SMYD3: variants seen among roughly 807,000 people sequenced by gnomAD.
The protein encoded by SMYD3 is SET and MYND domain containing 3.
A neutral mutation model predicts 57.7 loss-of-function variants in SMYD3; 36 were observed. The ratio of observed to expected loss-of-function variants is 0.62; its 90% CI spans 0.48 to 0.82. SMYD3 has a LOEUF of 0.82. SMYD3 is among the 40% of genes least tolerant of loss of function. SMYD3 has a pLI of 0.00. For missense variants in SMYD3, 515 were observed against 538.8 expected, an observed-to-expected ratio of 0.96 and a Z score of 0.44; for synonymous variants, 211 against 195.0, an observed-to-expected ratio of 1.08 and a Z score of -0.68.
At chr1:246,157,290 G>T in intron 5 of SMYD3, among the ~76,000 whole-genome samples, 1 of 152,134 alleles carries the variant, frequency 6.6e-6, no homozygotes, top group East Asian at 1.9e-4. Context: ...GAACACTGAG[G>T]CAGAGCGATA....
At chr1:246,264,041 GT>G (rs35429908) in intron 5 of SMYD3, among the ~76,000 whole-genome samples, 18,485 of 148,444 alleles carry the variant, frequency 0.12, 1,225 homozygotes, top group East Asian at 0.21. Context: ...AGAAATAAAT[GT>G]TTTTTTTTTT....
At chr1:246,064,766 G>A (rs79183136) in intron 5 of SMYD3, among the ~76,000 whole-genome samples, 9,460 of 152,266 alleles carry the variant, frequency 0.062, 403 homozygotes, top group Middle Eastern at 0.14. Flanking sequence ...TCCATCCCCC[G>A]GCCTTCTAGA....
chr1:245,926,987 A>G (rs908224904), intron 7 of SMYD3, among the ~76,000 whole-genome samples: 2 of 152,232 alleles, frequency 1.3e-5, no homozygotes, highest in African/African-American at 4.8e-5. Flanking sequence ...TTCCACTGAA[A>G]ATCAGTTTGG....
At chr1:245,897,190 A>G (rs10802291) in intron 8 of SMYD3, among the ~76,000 whole-genome samples, 144,817 of 152,322 alleles carry the variant, frequency 0.95, 69,252 homozygotes, top group East Asian at 1. Flanking sequence ...TTGGAAATAA[A>G]AATTGGTCTT....
chr1:246,286,512 A>G (rs930994186), intron 5 of SMYD3, among the ~76,000 whole-genome samples: 4 of 152,238 alleles, frequency 2.6e-5, no homozygotes, highest in Non-Finnish European at 4.4e-5. Context: ...CAAGACTGAC[A>G]TTAGTTCTGT....
intron 1 of SMYD3, among the ~76,000 whole-genome samples, chr1:246,404,616 T>C (rs1302329153): frequency 6.6e-6 from 1 of 152,200 alleles, no homozygotes; most frequent in African/African-American, 2.4e-5. Context: ...CTGCAGCATT[T>C]AGAAAGCCCC....
chr1:246,286,131 C>T (rs556295922), intron 5 of SMYD3, among the ~76,000 whole-genome samples: 18 of 152,144 alleles, frequency 1.2e-4, no homozygotes, highest in African/African-American at 3.4e-4. Flanking sequence ...TCCCACTACT[C>T]GGTATCTACC....
chr1:246,069,329 C>T (rs890778325), intron 5 of SMYD3, among the ~76,000 whole-genome samples: 1 of 152,180 alleles, frequency 6.6e-6, no homozygotes, highest in Non-Finnish European at 1.5e-5. Flanking sequence ...AGGAAAGCTT[C>T]GTGCCAGATA....
chr1:246,185,945 T>C (rs896159453), intron 5 of SMYD3, among the ~76,000 whole-genome samples: 1 of 152,184 alleles, frequency 6.6e-6, no homozygotes, highest in African/African-American at 2.4e-5. Flanking sequence ...ACCTTGGGCT[T>C]ACAGAATATT....
chr1:245,778,051 C>T (rs962805027), intron 10 of SMYD3, among the ~76,000 whole-genome samples: 2 of 151,810 alleles, frequency 1.3e-5, no homozygotes, highest in Admixed American at 6.6e-5. Flanking sequence ...TACCTATATC[C>T]GGAGAAACTA....
rs199983125 is a variant in SMYD3, at chr1:246,114,368, G to GT, written c.532-184432dup. Among the ~76,000 whole-genome samples the GT allele has an allele frequency of 9.7e-4, 148 of 152,304 alleles. 1 individual carries two copies. In the East Asian group the frequency reaches 0.019, roughly 19 times the overall value. ...GTAGGTGGTGTGGAGTCCTGACAAG[G>GT]TAAGTTAGCACCAACAAGGAAGAGG... On this transcript the variant is annotated intron_variant, in intron 5 of 11. Transcript: ENST00000490107.
chr1:245,878,081 A>T (rs2052583578), intron 8 of SMYD3, among the ~76,000 whole-genome samples: 1 of 152,128 alleles, frequency 6.6e-6, no homozygotes, highest in Non-Finnish European at 1.5e-5. Flanking sequence ...AGAGACTCAA[A>T]GGAGGTCAAT....
At chr1:245,822,767 G>T (rs2049245729) in intron 10 of SMYD3, among the ~76,000 whole-genome samples, 1 of 152,138 alleles carries the variant, frequency 6.6e-6, no homozygotes, top group Admixed American at 6.5e-5. Context: ...GGCCCACTTT[G>T]TACTTGGCTC....
chr1:245,870,162 C>T (rs1046657943), intron 8 of SMYD3, among the ~76,000 whole-genome samples: 1 of 152,172 alleles, frequency 6.6e-6, no homozygotes, highest in African/African-American at 2.4e-5. Context: ...AATAAAATAC[C>T]TTAACTCCAC....
intron 5 of SMYD3, among the ~76,000 whole-genome samples, chr1:246,027,991 A>T (rs2059606118): frequency 6.6e-6 from 1 of 152,222 alleles, no homozygotes; most frequent in Admixed American, 6.5e-5. Context: ...TCCAATCCTC[A>T]TGGATGACTT....
intron 5 of SMYD3, among the ~76,000 whole-genome samples, chr1:246,213,369 T>C (rs2063118392): frequency 6.6e-6 from 1 of 152,134 alleles, no homozygotes. Context: ...AGGGTCCAGC[T>C]CATCCGCAAG....
chr1:246,009,689 T>C (rs1347006907), intron 5 of SMYD3, among the ~76,000 whole-genome samples: 5 of 151,970 alleles, frequency 3.3e-5, no homozygotes, highest in African/African-American at 1.2e-4. Context: ...ATTCTCCTTA[T>C]TTAAAAAAGG....
intron 5 of SMYD3, among the ~76,000 whole-genome samples, chr1:246,172,111 A>G (rs2062345888): frequency 6.6e-6 from 1 of 152,232 alleles, no homozygotes; most frequent in Non-Finnish European, 1.5e-5. Flanking sequence ...TCCGTGAATG[A>G]GCGAGTGGCA....
intron 1 of SMYD3, among the ~76,000 whole-genome samples, chr1:246,481,114 A>G (rs573310842): frequency 6.6e-5 from 10 of 152,270 alleles, no homozygotes; most frequent in African/African-American, 1.9e-4. Flanking sequence ...TTAGATCTCA[A>G]GTTCTATAAT....
Sources: allele counts gnomAD v4.1 joint callset (sites outside exome capture counted in the v4.1 genomes callset), GRCh38; gene constraint gnomAD v4.1.1; transcripts MANE v1.5; gene names NCBI Gene and HGNC (gene_info 2026-07-23, HGNC 2026-07-21).